Variants in F13A1 observed in about 807,000 individuals in gnomAD.
F13A1 encodes the protein FSF, A subunit.
F13A1 carries 47 observed loss-of-function variants against 80.1 expected under a neutral mutation model. That is an observed-to-expected ratio of 0.59 (90% confidence interval 0.46 to 0.75). The LOEUF is 0.75. Among genes scored for constraint, F13A1 ranks in the 30% least tolerant of loss-of-function variants. The pLI, the probability that F13A1 is intolerant of heterozygous loss-of-function variation, is 0.00. For missense variants in F13A1, 817 were observed against 930.4 expected (o/e 0.88, Z 1.59); for synonymous variants, 349 against 344.9 (o/e 1.01, Z -0.13).
intron 3 of F13A1, among the ~76,000 whole-genome samples, chr6:6,300,808 T>A (rs1162540892): frequency 7.0e-6 from 1 of 142,636 alleles, no homozygotes; most frequent in Non-Finnish European, 1.5e-5. Context: ...AACAAAGTAT[T>A]TATTCTCGTC....
At chr6:6,161,524 ATGTGTGTG>A (rs143895728) in intron 13 of F13A1, among the ~76,000 whole-genome samples, 74 of 133,642 alleles carry the variant, frequency 5.5e-4, no homozygotes, top group African/African-American at 2.1e-3. Context: ...CAGAGAGAGG[ATGTGTGTG>A]TGTGTGTGTG....
At chr6:6,270,933 C>A (rs1261906193) in intron 3 of F13A1, among the ~76,000 whole-genome samples, 1 of 152,168 alleles carries the variant, frequency 6.6e-6, no homozygotes, top group Non-Finnish European at 1.5e-5. Context: ...GAGGGTCTCT[C>A]TGGGCCAACT....
chr6:6,266,905 C>A, intron 3 of F13A1, 96 bp from the exon 4 acceptor site: 4 of 1,520,228 alleles, frequency 2.6e-6, no homozygotes, highest in Non-Finnish European at 3.6e-6. Context: ...CAGGAGTAAT[C>A]CATTAGAATT....
chr6:6,243,568 A>G lies in F13A1; in HGVS notation c.798+4744T>C, dbSNP rs755214315. On this transcript the variant is annotated intron_variant, in intron 6 of 14. Transcript: ENST00000264870. The surrounding 1 kb of genome is among the most constrained non-coding windows in gnomAD (Gnocchi z 4.2). ...TTCTTTTCTAGGAAATGGCAATTCA[A>G]TCTTACATAATTATTGTGTTATTGG... is the stretch of plus-strand genomic sequence containing the variant. Among the ~76,000 whole-genome samples the G allele has an allele frequency of 1.3e-5, 2 of 152,140 alleles. No homozygotes were observed. Among genetic ancestry groups the G allele is most frequent in the Non-Finnish European group, 1.5e-5 (1 of 68,022 alleles).
chr6:6,174,952 C>G, intron 11 of F13A1, 85 bp from the exon 12 acceptor site: 1 of 1,506,000 alleles, frequency 6.6e-7, no homozygotes. Context: ...GTGTACTGCA[C>G]TTGTTGGGGT....
intron 13 of F13A1, among the ~76,000 whole-genome samples, chr6:6,155,314 G>T (rs916123391): frequency 8.5e-5 from 13 of 152,110 alleles, no homozygotes; most frequent in African/African-American, 3.1e-4. Flanking sequence ...AATATGTTCA[G>T]GACATTAAAC....
intron 8 of F13A1, among the ~76,000 whole-genome samples, chr6:6,197,656 G>A (rs530445413): frequency 8.8e-5 from 13 of 148,550 alleles, no homozygotes; most frequent in African/African-American, 2.8e-4. Flanking sequence ...TCAGCCTGGT[G>A]ACAGAGGGAG....
chr6:6,153,659 A>C (rs1760422183), intron 13 of F13A1, among the ~76,000 whole-genome samples: 1 of 152,176 alleles, frequency 6.6e-6, no homozygotes, highest in South Asian at 2.1e-4. Context: ...GTGCACCTAG[A>C]CAGCATGGAT....
chr6:6,187,820 C>G (rs1301413139), intron 10 of F13A1, among the ~76,000 whole-genome samples: 4 of 125,806 alleles, frequency 3.2e-5, no homozygotes, highest in African/African-American at 6.0e-5. Flanking sequence ...CCTTGTACCT[C>G]TGGTAGAATT....
intron 4 of F13A1, among the ~76,000 whole-genome samples, chr6:6,263,074 G>A (rs2113119199): frequency 6.6e-6 from 1 of 152,260 alleles, no homozygotes; most frequent in South Asian, 2.1e-4. Flanking sequence ...TCCTCTCTCT[G>A]GACTGCAAAC....
chr6:6,300,449 C>T (rs544642829), intron 3 of F13A1, among the ~76,000 whole-genome samples: 3 of 151,882 alleles, frequency 2.0e-5, no homozygotes, highest in Admixed American at 6.5e-5. Flanking sequence ...TCCTGATGCG[C>T]CGTTTTTTAA....
At chr6:6,159,495 T>G (rs1760536568) in intron 13 of F13A1, among the ~76,000 whole-genome samples, 1 of 152,172 alleles carries the variant, frequency 6.6e-6, no homozygotes, top group African/African-American at 2.4e-5. Flanking sequence ...AGGATGCAAC[T>G]GTGCAAAGTG....
At chr6:6,315,498 C>T (rs1459541793) in intron 2 of F13A1, among the ~76,000 whole-genome samples, 1 of 151,966 alleles carries the variant, frequency 6.6e-6, no homozygotes, top group Non-Finnish European at 1.5e-5. Context: ...TGAGTTTATA[C>T]ATTTTAAAAT....
At chr6:6,182,262 A>G (rs1315435475) in intron 10 of F13A1, 121 bp from the exon 11 acceptor site, 36 of 1,064,812 alleles carry the variant, frequency 3.4e-5, no homozygotes, top group Non-Finnish European at 2.8e-6. Context: ...TTCTTCAACA[A>G]CATTGGATTC....
At chr6:6,192,909 A>G (rs1761227490) in intron 10 of F13A1, among the ~76,000 whole-genome samples, 2 of 152,202 alleles carry the variant, frequency 1.3e-5, no homozygotes, top group Non-Finnish European at 2.9e-5. Flanking sequence ...CTTTGGCAAG[A>G]AGGAGAGAGT....
chr6:6,160,003 G>A (rs1035240814), intron 13 of F13A1, among the ~76,000 whole-genome samples: 41 of 152,066 alleles, frequency 2.7e-4, no homozygotes, highest in Middle Eastern at 3.4e-3. Flanking sequence ...TTGGCCGGGC[G>A]CAGTGGCTCA....
intron 8 of F13A1, among the ~76,000 whole-genome samples, chr6:6,221,408 G>A (rs1219730948): frequency 1.3e-5 from 2 of 152,136 alleles, no homozygotes; most frequent in Admixed American, 1.3e-4. Flanking sequence ...ATATAATCAA[G>A]GAGAATCTCA....
chr6:6,147,295 T>G (rs569036226), intron 14 of F13A1, among the ~76,000 whole-genome samples: 3 of 152,256 alleles, frequency 2.0e-5, no homozygotes, highest in Admixed American at 2.0e-4. Context: ...CCCAAAAACC[T>G]ATAGAAATAA....
chr6:6,265,904 T>G (rs1224806200), intron 4 of F13A1, among the ~76,000 whole-genome samples: 3 of 152,240 alleles, frequency 2.0e-5, no homozygotes, highest in Non-Finnish European at 4.4e-5. Flanking sequence ...AGTAATAGTG[T>G]ACAGAGGTTA....
Sources: gnomAD v4.1 joint callset for allele counts (sites outside exome capture counted in the v4.1 genomes callset) on GRCh38, gnomAD v4.1.1 for gene constraint, Gnocchi (gnomAD v3.1) non-coding constraint, MANE v1.5 for transcripts, NCBI Gene and HGNC (gene_info 2026-07-23, HGNC 2026-07-21) for gene names.